RFX7: variants seen among roughly 807,000 people sequenced by gnomAD.
The protein encoded by RFX7 is DNA-binding protein RFX7.
A neutral mutation model predicts 111.8 loss-of-function variants in RFX7; 26 were observed. That is an observed-to-expected ratio of 0.23 (90% confidence interval 0.17 to 0.32). The LOEUF (loss-of-function observed/expected upper bound fraction) is 0.32. RFX7 is among the 10% of genes least tolerant of loss of function. The pLI is 1.00. For synonymous variants in RFX7, 624 were observed against 624.4 expected (o/e 1.00, Z 0.01); for missense variants, 1,573 against 1,772.9 (o/e 0.89, Z 2.02).
chr15:56,193,507 C>T (rs1361219733), intron 2 of RFX7, among the ~76,000 whole-genome samples: 3 of 152,030 alleles, frequency 2.0e-5, no homozygotes, highest in Non-Finnish European at 4.4e-5. Flanking sequence ...TCCTGTTTTG[C>T]TGATTTTTAA....
intron 3 of RFX7, among the ~76,000 whole-genome samples, chr15:56,165,980 C>A (rs1323802304): frequency 6.6e-6 from 1 of 152,174 alleles, no homozygotes; most frequent in Non-Finnish European, 1.5e-5. Flanking sequence ...TGGCTCACTG[C>A]AGCCTTTGAC....
At chr15:56,160,246 G>A (rs1245521792) in intron 3 of RFX7, among the ~76,000 whole-genome samples, 1 of 152,004 alleles carries the variant, frequency 6.6e-6, no homozygotes, top group Admixed American at 6.6e-5. Flanking sequence ...CCAAAGTACT[G>A]GCCAGGTTGA....
At position 56,095,681 on chromosome 15, in the gene RFX7, C is replaced by T. The variant is rs1294775690; in HGVS notation, c.2047G>A (p.Ala683Thr). The T allele has an allele frequency of 1.2e-5, 20 of 1,613,910 alleles. No individual in the cohort carries two copies. Among genetic ancestry groups the T allele is most frequent in the Non-Finnish European group, 1.6e-5 (19 of 1,179,896 alleles). Residue 683 changes from alanine to threonine, a missense_variant, in exon 10 of 10, where the codon GCT becomes ACT. Physicochemically the swap from Ala to Thr is moderately conservative, Grantham distance 58. Coordinates refer to ENST00000559447, the MANE Select transcript of RFX7 (RefSeq NM_022841.7). Reference protein sequence around the residue: ...KKPIVEQLSAATIEGQKQGSV... With the variant: ...KKPIVEQLSATTIEGQKQGSV... Reference sequence around the variant, plus strand: ...CCTTGTTTCTGCCCTTCTATGGTAGCTGCTGAAAGCTGTTCCACAATTGGT... The same window carrying T: ...CCTTGTTTCTGCCCTTCTATGGTAGTTGCTGAAAGCTGTTCCACAATTGGT...
At chr15:56,215,335 G>C (rs180922537) in intron 2 of RFX7, among the ~76,000 whole-genome samples, 2 of 152,272 alleles carry the variant, frequency 1.3e-5, no homozygotes, top group African/African-American at 4.8e-5. Flanking sequence ...ATCTATTGTA[G>C]TCTGTAGATA....
intron 3 of RFX7, among the ~76,000 whole-genome samples, chr15:56,157,585 C>T (rs1369293020): frequency 2.0e-5 from 3 of 152,238 alleles, no homozygotes; most frequent in African/African-American, 4.8e-5. Context: ...AAAAACCTAA[C>T]AATTTTTATT....
chr15:56,095,007 G>A lies in RFX7; in HGVS notation c.2721C>T (p.Gly907=). 6.2e-7 allele frequency: 1 copy of A among 1,613,648 alleles called. No homozygotes were observed. The highest frequency in any genetic ancestry group is 8.5e-7 in the Non-Finnish European group (1 of 1,179,750). ...TCTGAAGGGTCATTCCCAAACAGTT[G>A]CCGTAAGAATGAGAATTGTTCATTG... The part of the protein sequence containing the change: ...QMSMNNSHSY[G]NCLGMTLQSQ... The change falls in exon 10 of 10, where the codon GGC becomes GGT. Residue 907 remains glycine (G), a synonymous_variant. Coordinates refer to ENST00000559447, the MANE Select transcript of RFX7 (RefSeq NM_022841.7).
intron 5 of RFX7, among the ~76,000 whole-genome samples, chr15:56,137,027 T>C: frequency 6.6e-6 from 1 of 152,100 alleles, no homozygotes; most frequent in East Asian, 1.9e-4. Context: ...GCCAGTATTT[T>C]ATTGAGAATT....
intron 5 of RFX7, among the ~76,000 whole-genome samples, chr15:56,126,585 G>A (rs1219986859): frequency 1.3e-5 from 2 of 152,074 alleles, no homozygotes; most frequent in South Asian, 2.1e-4. Flanking sequence ...AATGTAAATG[G>A]ATTAAATTCT....
At position 56,217,337 on chromosome 15, in the gene RFX7, T is replaced by G. The variant is rs568272928; in HGVS notation, c.161+25788A>C. The stretch of plus-strand genomic sequence containing the variant: ...AGTCCACTTTCGCATTTTCCCTAAT[T>G]ATCTCAAGAATGTCTAACAGAGCTT... On this transcript the variant is annotated intron_variant, in intron 2 of 9. Coordinates refer to ENST00000559447, the MANE Select transcript of RFX7 (RefSeq NM_022841.7). Among the ~76,000 whole-genome samples, 5 of 152,252 alleles carry G rather than the reference T, an allele frequency of 3.3e-5. No individual in the cohort carries two copies. In the South Asian group the frequency reaches 1.0e-3, roughly 32 times the overall value.
chr15:56,112,379 C>CAAAAAAAAAAAAAAAAAAAAAAAAAATA (rs71110374), intron 5 of RFX7, among the ~76,000 whole-genome samples: 1 of 71,768 alleles, frequency 1.4e-5, no homozygotes, highest in Non-Finnish European at 2.6e-5. Context: ...GAGTACAAAT[C>CAAAAAAAAAAAAAAAAAAAAAAAAAATA]AAAAAAAAAA....
At chr15:56,139,039 G>C (rs2042348667) in intron 5 of RFX7, among the ~76,000 whole-genome samples, 2 of 151,448 alleles carry the variant, frequency 1.3e-5, no homozygotes, top group Admixed American at 1.3e-4. Flanking sequence ...CTCTCTGGCT[G>C]CCCTTAACAT....
At chr15:56,220,951 C>A (rs1292936182) in intron 2 of RFX7, among the ~76,000 whole-genome samples, 1 of 152,178 alleles carries the variant, frequency 6.6e-6, no homozygotes, top group Non-Finnish European at 1.5e-5. Flanking sequence ...TTTCCCATTG[C>A]TTGTTTTTGT....
chr15:56,234,702 A>C (rs1490336725), intron 2 of RFX7, among the ~76,000 whole-genome samples: 1 of 152,324 alleles, frequency 6.6e-6, no homozygotes, highest in East Asian at 1.9e-4. Flanking sequence ...TGCTTACTGC[A>C]AAAACAATGG....
At chr15:56,227,108 A>T (rs1254748633) in intron 2 of RFX7, among the ~76,000 whole-genome samples, 1 of 152,208 alleles carries the variant, frequency 6.6e-6, no homozygotes, top group African/African-American at 2.4e-5. Flanking sequence ...ACTGGCACCA[A>T]ATATGGCCAT....
rs570597599 is a variant in RFX7, at chr15:56,120,059, T to C, written c.402-16389A>G. ...TTCTGTGCAGAATGTCATTGGTATT[T>C]TGATAGACACTTCATTCAATCTGTA... On this transcript the variant is annotated intron_variant, in intron 5 of 9. Coordinates refer to ENST00000559447, the MANE Select transcript of RFX7 (RefSeq NM_022841.7). 4.1e-4 allele frequency among the ~76,000 whole-genome samples: 63 copies of C among 152,298 alleles called. 1 individual carries two copies. Among genetic ancestry groups the C allele is most frequent in the African/African-American group, 1.5e-3 (62 of 41,566 alleles).
At chr15:56,193,988 C>T (rs1361674398) in intron 2 of RFX7, among the ~76,000 whole-genome samples, 1 of 151,886 alleles carries the variant, frequency 6.6e-6, no homozygotes, top group Non-Finnish European at 1.5e-5. Context: ...AAAGATGATA[C>T]AATAAATAAA....
intron 5 of RFX7, among the ~76,000 whole-genome samples, chr15:56,131,414 A>C (rs35972806): frequency 0.33 from 50,785 of 151,670 alleles, 9,643 homozygotes; most frequent in Non-Finnish European, 0.42. Context: ...CTACCGGTGC[A>C]TGCCACCATG....
intron 5 of RFX7, among the ~76,000 whole-genome samples, chr15:56,138,439 C>T (rs1475652316): frequency 2.3e-4 from 34 of 149,704 alleles, no homozygotes; most frequent in Middle Eastern, 3.4e-3. Context: ...TATTGCAACC[C>T]CTGCCTTTTT....
chr15:56,209,227 T>C (rs1421750144), intron 2 of RFX7, among the ~76,000 whole-genome samples: 9 of 151,702 alleles, frequency 5.9e-5, no homozygotes, highest in African/African-American at 2.2e-4. Context: ...ATAAGAATTA[T>C]ATCTGATTCT....
Sources: allele counts gnomAD v4.1 joint callset (sites outside exome capture counted in the v4.1 genomes callset), GRCh38; gene constraint gnomAD v4.1.1; transcripts MANE v1.5; gene names NCBI Gene and HGNC (gene_info 2026-07-23, HGNC 2026-07-21).